CABIN1: variants seen among roughly 807,000 people sequenced by gnomAD.
CABIN1 encodes the protein calcineurin binding protein 1, also known as calcineurin-binding protein cabin-1.
CABIN1 carries 133 observed loss-of-function variants against 227.7 expected under a neutral mutation model. The ratio of observed to expected loss-of-function variants is 0.58; its 90% CI spans 0.51 to 0.67. CABIN1 has a LOEUF of 0.67. Among genes scored for constraint, CABIN1 ranks in the 30% least tolerant of loss-of-function variants. The pLI, the probability that CABIN1 is intolerant of heterozygous loss-of-function variation, is 0.00. For missense variants in CABIN1, 2,408 were observed against 2,852.5 expected (o/e 0.84, Z 3.55); for synonymous variants, 1,086 against 1,155.1 (o/e 0.94, Z 1.21).
Position 24,050,680 on chromosome 22 carries a change from A to T in CABIN1, c.657-145A>T, listed in dbSNP as rs561578034. 1.1e-4 allele frequency: 105 copies of T among 919,632 alleles called. No individual in the cohort carries two copies. In the African/African-American group the frequency reaches 1.6e-3, roughly 14 times the overall value. 57.0% of individuals were successfully genotyped at this position (919,632 alleles called of 1,614,324 possible). On this transcript the variant is annotated intron_variant, in intron 7 of 36. Transcript: ENST00000263119. Reference sequence around the variant, plus strand: ...AAGAAGGCTATTTACTGCCCTACCCAGGCCAGACTGAAGTGGTTATTTTAT... The same window carrying T: ...AAGAAGGCTATTTACTGCCCTACCCTGGCCAGACTGAAGTGGTTATTTTAT...
chr22:24,042,510 G>A (rs2037456822), intron 5 of CABIN1, among the ~76,000 whole-genome samples: 1 of 152,162 alleles, frequency 6.6e-6, no homozygotes, highest in South Asian at 2.1e-4. Flanking sequence ...GAGCCCAGAA[G>A]TTTGAGGATG....
chr22:24,035,621 A>T (rs1207506381), intron 2 of CABIN1, 101 bp downstream of exon 2: 1 of 1,427,390 alleles, frequency 7.0e-7, no homozygotes, highest in Admixed American at 1.7e-5. Context: ...GAAGGCTCTT[A>T]TTATGGAGTA....
At chr22:24,122,912 C>CTAT (rs1207751054) in intron 28 of CABIN1, among the ~76,000 whole-genome samples, 1 of 152,122 alleles carries the variant, frequency 6.6e-6, no homozygotes, top group African/African-American at 2.4e-5. Flanking sequence ...TGGGATCATA[C>CTAT]CCCTTCTACT....
intron 1 of CABIN1, among the ~76,000 whole-genome samples, chr22:24,021,377 C>T (rs768814554): frequency 2.6e-5 from 4 of 152,066 alleles, no homozygotes; most frequent in Non-Finnish European, 5.9e-5. Context: ...AGGCTAGTCT[C>T]GAACTCTTGG....
chr22:24,022,273 C>T (rs1417361857), intron 1 of CABIN1, among the ~76,000 whole-genome samples: 1 of 152,184 alleles, frequency 6.6e-6, no homozygotes, highest in Non-Finnish European at 1.5e-5. Context: ...CCTTTACAGA[C>T]ACCTTCCTTT....
intron 8 of CABIN1, among the ~76,000 whole-genome samples, chr22:24,053,436 G>T (rs2038521765): frequency 6.6e-6 from 1 of 151,926 alleles, no homozygotes; most frequent in South Asian, 2.1e-4. Context: ...GGAGTGCAGT[G>T]GTGCGATCTT....
At position 24,155,721 on chromosome 22, in the gene CABIN1, G is replaced by A. The variant is rs1439477262; in HGVS notation, c.4747-8679G>A. On this transcript the variant is annotated intron_variant, in intron 29 of 36. Transcript: ENST00000263119. The stretch of plus-strand genomic sequence containing the variant: ...ATTCACATAGGCACCGCCTGCAGAG[G>A]GGGGATATAACCCTCACACACAGTT... 1.6e-5 allele frequency: 5 copies of A among 314,006 alleles called. No individual in the cohort carries two copies. The Admixed American group carries it at 2.0e-4, about 13-fold the overall frequency. The allele number at this position is 314,006 out of a possible 1,614,324, so 19.5% of individuals were successfully genotyped here. A position where few individuals can be genotyped will look rare whatever the true frequency, so the allele number is the denominator to read the frequency against.
intron 27 of CABIN1, among the ~76,000 whole-genome samples, chr22:24,117,196 ATTGTTGTTG>A (rs895591457): frequency 6.6e-6 from 1 of 151,706 alleles, no homozygotes; most frequent in Admixed American, 6.6e-5. Context: ...TAGGCAACTG[ATTGTTGTTG>A]TTGTTGTTGT....
intron 8 of CABIN1, among the ~76,000 whole-genome samples, chr22:24,051,383 A>G (rs1370934724): frequency 1.3e-5 from 2 of 151,916 alleles, no homozygotes; most frequent in Non-Finnish European, 2.9e-5. Flanking sequence ...TCTCAAGTCC[A>G]TGTTTTCTCT....
At chr22:24,152,005 G>A (rs1202473163) in intron 29 of CABIN1, among the ~76,000 whole-genome samples, 1 of 152,210 alleles carries the variant, frequency 6.6e-6, no homozygotes, top group Admixed American at 6.5e-5. Context: ...GGAGAACTGT[G>A]GGGACAGCCA....
At chr22:24,142,940 A>G (rs1342852212) in intron 29 of CABIN1, among the ~76,000 whole-genome samples, 1 of 151,926 alleles carries the variant, frequency 6.6e-6, no homozygotes, top group African/African-American at 2.4e-5. Context: ...ACCAATTTTC[A>G]TGCCACCGCT....
intron 12 of CABIN1, among the ~76,000 whole-genome samples, chr22:24,061,596 C>T (rs527752406): frequency 2.0e-5 from 3 of 152,356 alleles, no homozygotes; most frequent in African/African-American, 7.2e-5. Flanking sequence ...CTCAAGTGCC[C>T]TGGGAATGGT....
At chr22:24,048,962 G>T in intron 6 of CABIN1, 129 bp from the exon 7 acceptor site, 1 of 1,067,284 alleles carries the variant, frequency 9.4e-7, no homozygotes, top group South Asian at 1.3e-5. Flanking sequence ...ATTAGTTAAA[G>T]TGGTATCTCA....
chr22:24,095,642 A>G (rs528816354), intron 24 of CABIN1, among the ~76,000 whole-genome samples: 41 of 152,352 alleles, frequency 2.7e-4, no homozygotes, highest in African/African-American at 9.9e-4. Flanking sequence ...TGCCCAGTGA[A>G]CGGAGCTGAA....
At chr22:24,084,408 T>C (rs1297262973) in intron 20 of CABIN1, among the ~76,000 whole-genome samples, 171 bp from the exon 21 acceptor site, 1 of 152,016 alleles carries the variant, frequency 6.6e-6, no homozygotes, top group Non-Finnish European at 1.5e-5. Flanking sequence ...CCAGCTAATT[T>C]TTGTAGTGCA....
chr22:24,135,182 G>T (rs2044319130), intron 29 of CABIN1, among the ~76,000 whole-genome samples: 2 of 151,940 alleles, frequency 1.3e-5, no homozygotes. Context: ...TCTGAGGTCA[G>T]GAGTTCAAGA....
At chr22:24,040,184 C>T (rs1055740517) in intron 4 of CABIN1, among the ~76,000 whole-genome samples, 1 of 152,050 alleles carries the variant, frequency 6.6e-6, no homozygotes, top group Non-Finnish European at 1.5e-5. Context: ...GGGATCCAGC[C>T]CTGGTCAGCT....
In CABIN1 at chr22:24,076,201, C is replaced by T. The variant is rs887503713; in HGVS notation, c.2665C>T (p.Leu889Phe). 3.1e-6 allele frequency: 5 copies of T among 1,614,196 alleles called. No homozygotes were observed. The highest frequency in any genetic ancestry group is 3.4e-6 in the Non-Finnish European group (4 of 1,180,026). ...MSETPMLPSS[L>F]MLLNTAHEYL... is the part of the protein sequence containing the mutation. Reference sequence around the variant, plus strand: ...AGAGACGCCCATGCTCCCATCCTCCCTCATGCTGCTGAACACAGCCCACGA... The same window carrying T: ...AGAGACGCCCATGCTCCCATCCTCCTTCATGCTGCTGAACACAGCCCACGA... The change falls in exon 19 of 37, where the codon CTC (leucine) becomes TTC (phenylalanine). Residue 889 changes from leucine (L) to phenylalanine (F), a missense_variant. By Grantham distance (22) the Leu-to-Phe change is conservative. This residue lies in a region of CABIN1 where 1,045 missense variants were observed against 1,168.4 expected (regional missense o/e 0.89). Coordinates refer to ENST00000263119, the MANE Select transcript of CABIN1 (RefSeq NM_012295.4).
chr22:24,119,724 C>T (rs2043289873), intron 28 of CABIN1, 26 bp downstream of exon 28: 2 of 1,601,590 alleles, frequency 1.2e-6, no homozygotes, highest in Admixed American at 1.7e-5. Context: ...GCCAAGGGGG[C>T]TTGGATCTTC....
Sources: gnomAD v4.1 joint callset for allele counts (sites outside exome capture counted in the v4.1 genomes callset) on GRCh38, gnomAD v4.1.1 for gene constraint, gnomAD v4.1.1 regional missense constraint, MANE v1.5 for transcripts, NCBI Gene and HGNC (gene_info 2026-07-23, HGNC 2026-07-21) for gene names.